The following CNBD1 variants were observed in gnomAD, a reference collection of about 807,000 sequenced individuals.
The protein encoded by CNBD1 is cyclic nucleotide binding domain containing 1.
CNBD1 carries 71 observed loss-of-function variants against 54.4 expected under a neutral mutation model. The observed-to-expected ratio is 1.30, with a 90% CI of 1.08 to 1.59. The LOEUF (loss-of-function observed/expected upper bound fraction) is 1.59, where lower values mean the gene tolerates loss of function less well. CNBD1 is among the 40% of genes most tolerant of loss of function. The pLI is 0.00. For missense variants in CNBD1, 659 were observed against 518.0 expected, an observed-to-expected ratio of 1.27 and a Z score of -2.64; for synonymous variants, 182 against 170.7, an observed-to-expected ratio of 1.07 and a Z score of -0.51.
chr8:86,920,935 T>C (rs1282450505), intron 3 of CNBD1, among the ~76,000 whole-genome samples: 1 of 152,118 alleles, frequency 6.6e-6, no homozygotes, highest in Non-Finnish European at 1.5e-5. Flanking sequence ...GTATGCATAG[T>C]CTAGATGGCC....
rs145020552 is a variant in CNBD1, at chr8:87,037,246, C to T, written c.431+97492C>T. 1.0e-3 allele frequency among the ~76,000 whole-genome samples: 152 copies of T among 152,134 alleles called. 2 individuals carry two copies. Among genetic ancestry groups the T allele is most frequent in the African/African-American group, 3.4e-3 (141 of 41,524 alleles). The stretch of plus-strand genomic sequence containing the variant: ...TTAAAAGTGCCTATTTTTTAAAAAA[C>T]GGTATTTATTCTGGAAGCTTTTAGG... On this transcript the variant is annotated intron_variant, in intron 4 of 10. Coordinates refer to ENST00000518476, the MANE Select transcript of CNBD1 (RefSeq NM_173538.3).
intron 1 of CNBD1, among the ~76,000 whole-genome samples, chr8:86,874,254 T>C (rs1266222436): frequency 2.6e-5 from 4 of 152,228 alleles, no homozygotes; most frequent in Admixed American, 2.6e-4. Flanking sequence ...TCAGTTTTCC[T>C]TGACTTTCAT....
At chr8:87,087,598 G>C (rs1245688683) in intron 4 of CNBD1, among the ~76,000 whole-genome samples, 2 of 151,342 alleles carry the variant, frequency 1.3e-5, no homozygotes, top group Non-Finnish European at 2.9e-5. Flanking sequence ...CGAGTAGCTG[G>C]GACTACAGGC....
Position 86,900,470 on chromosome 8 carries a change from A to T in CNBD1, c.159-4611A>T, listed in dbSNP as rs1176258063. Among the ~76,000 whole-genome samples the T allele has an allele frequency of 2.6e-5, 4 of 152,242 alleles. No individual in the cohort carries two copies. In the East Asian group the frequency reaches 7.7e-4, roughly 29 times the overall value. ...GACTCACATTCTTGTCCTTTTTTCCATTAAAAGTGAGGCTTCTAGCCCTGT... is the reference window on the plus strand; with the variant it reads ...GACTCACATTCTTGTCCTTTTTTCCTTTAAAAGTGAGGCTTCTAGCCCTGT... On this transcript the variant is annotated intron_variant, in intron 2 of 10. Coordinates refer to ENST00000518476, the MANE Select transcript of CNBD1 (RefSeq NM_173538.3).
chr8:87,346,130 C>T (rs1204707732), intron 8 of CNBD1, among the ~76,000 whole-genome samples: 1 of 152,166 alleles, frequency 6.6e-6, no homozygotes, highest in East Asian at 1.9e-4. Flanking sequence ...CAGCCTCTGC[C>T]TCCCTGATTT....
intron 6 of CNBD1, among the ~76,000 whole-genome samples, chr8:87,245,613 A>T (rs1273478259): frequency 2.8e-5 from 4 of 142,090 alleles, no homozygotes; most frequent in African/African-American, 6.0e-5. Flanking sequence ...ATGTAAGATT[A>T]AAAAAAAGTG....
At chr8:87,273,015 A>G (rs1237372611) in intron 6 of CNBD1, among the ~76,000 whole-genome samples, 2 of 151,896 alleles carry the variant, frequency 1.3e-5, no homozygotes, top group African/African-American at 4.8e-5. Flanking sequence ...ACCAAATGAT[A>G]TGCTGAAATA....
chr8:87,133,224 A>G (rs1238678811), intron 4 of CNBD1, among the ~76,000 whole-genome samples: 1 of 152,054 alleles, frequency 6.6e-6, no homozygotes, highest in East Asian at 1.9e-4. Flanking sequence ...TGCCAGTTCC[A>G]GCATCTGTGA....
intron 10 of CNBD1, among the ~76,000 whole-genome samples, chr8:87,369,036 C>T (rs1810704042): frequency 1.3e-5 from 2 of 151,958 alleles, no homozygotes; most frequent in African/African-American, 4.8e-5. Flanking sequence ...AACAACTATA[C>T]TTTACTAACA....
In CNBD1 at chr8:87,326,317, G is replaced by C. The variant is rs571585396; in HGVS notation, c.1043-25368G>C. Among the ~76,000 whole-genome samples the C allele has an allele frequency of 2.4e-5, 3 of 122,514 alleles. 1 individual carries two copies. The East Asian group carries it at 6.3e-4, about 26-fold the overall frequency. 80.4% of individuals were successfully genotyped at this position (122,514 alleles called of 152,430 possible). ...ACTTCTCGAGGAATATCTTTGTGGC[G>C]TTCTCTGTATTTCCTGAATCTGAAC... On this transcript the variant is annotated intron_variant, in intron 8 of 10. Coordinates refer to ENST00000518476, the MANE Select transcript of CNBD1 (RefSeq NM_173538.3).
In CNBD1 at chr8:86,886,774, A is replaced by G. The variant is rs539003640; in HGVS notation, c.89-768A>G. ...TAACTTTTCACTAAAGAAAGGAGTAATATGCCTAAGTGAGTATTTATTATT... is the reference window on the plus strand; with the variant it reads ...TAACTTTTCACTAAAGAAAGGAGTAGTATGCCTAAGTGAGTATTTATTATT... On this transcript the variant is annotated intron_variant, in intron 1 of 10. Coordinates refer to ENST00000518476, the MANE Select transcript of CNBD1 (RefSeq NM_173538.3). Among the ~76,000 whole-genome samples, 4 of 152,288 alleles carry G rather than the reference A, an allele frequency of 2.6e-5. No homozygotes were observed. In the South Asian group the frequency reaches 8.3e-4, roughly 32 times the overall value.
intron 8 of CNBD1, among the ~76,000 whole-genome samples, chr8:87,333,262 G>GA (rs1450563309): frequency 5.3e-5 from 8 of 152,120 alleles, no homozygotes; most frequent in South Asian, 2.1e-4. Flanking sequence ...TCAGCTTAAG[G>GA]AGTTTTTGGG....
At chr8:87,369,368 T>A (rs1810711633) in intron 10 of CNBD1, among the ~76,000 whole-genome samples, 1 of 152,020 alleles carries the variant, frequency 6.6e-6, no homozygotes, top group Admixed American at 6.6e-5. Flanking sequence ...ATATTTATAT[T>A]GTGTTTTATA....
intron 4 of CNBD1, among the ~76,000 whole-genome samples, chr8:87,056,414 G>A (rs987733630): frequency 2.0e-5 from 3 of 152,028 alleles, no homozygotes; most frequent in African/African-American, 7.3e-5. Context: ...AAATGAAAAT[G>A]TTAATAGCAT....
intron 4 of CNBD1, among the ~76,000 whole-genome samples, chr8:86,981,211 C>T (rs1808480076): frequency 6.6e-6 from 1 of 152,146 alleles, no homozygotes; most frequent in Non-Finnish European, 1.5e-5. Flanking sequence ...CACACACATT[C>T]AAGAATGCCC....
chr8:87,228,758 G>C (rs1044974520), intron 5 of CNBD1, among the ~76,000 whole-genome samples: 5 of 151,996 alleles, frequency 3.3e-5, no homozygotes, highest in Non-Finnish European at 5.9e-5. Flanking sequence ...TTGAGCTGTG[G>C]TGGGCTCCAC....
chr8:86,999,079 C>A (rs1808939872), intron 4 of CNBD1, among the ~76,000 whole-genome samples: 2 of 152,216 alleles, frequency 1.3e-5, no homozygotes. Context: ...TTGATATCAT[C>A]AACTTTCTGA....
At chr8:87,099,054 A>C (rs929128157) in intron 4 of CNBD1, among the ~76,000 whole-genome samples, 3 of 150,318 alleles carry the variant, frequency 2.0e-5, no homozygotes, top group South Asian at 4.1e-4. Flanking sequence ...AAAAAAAAAA[A>C]AAAAAACAAA....
intron 4 of CNBD1, among the ~76,000 whole-genome samples, chr8:87,043,226 TC>T (rs1383696271): frequency 6.6e-6 from 1 of 152,174 alleles, no homozygotes; most frequent in Non-Finnish European, 1.5e-5. Flanking sequence ...ATTAGCCTTC[TC>T]TCAGAGCAAT....
Sources: allele counts gnomAD v4.1 joint callset (sites outside exome capture counted in the v4.1 genomes callset), GRCh38; gene constraint gnomAD v4.1.1; transcripts MANE v1.5; gene names NCBI Gene and HGNC (gene_info 2026-07-23, HGNC 2026-07-21).